The following RNF6 variants were observed in gnomAD, a reference collection of about 807,000 sequenced individuals.
The protein encoded by RNF6 is E3 ubiquitin-protein ligase RNF6.
In RNF6, 21 loss-of-function variants were observed where a neutral mutation model predicts 50.1. That is an observed-to-expected ratio of 0.42 (90% CI 0.30 to 0.60). The LOEUF is 0.60. Among genes scored for constraint, RNF6 ranks in the 20% least tolerant of loss-of-function variants. The pLI is 0.20. For missense variants in RNF6, 698 were observed against 838.2 expected, an observed-to-expected ratio of 0.83 and a Z score of 2.07; for synonymous variants, 255 against 291.8, an observed-to-expected ratio of 0.87 and a Z score of 1.29.
intron 5 of RNF6, among the ~76,000 whole-genome samples, chr13:26,191,635 C>G (rs780447615): frequency 6.6e-6 from 1 of 152,158 alleles, no homozygotes; most frequent in Non-Finnish European, 1.5e-5. Context: ...TCTCCCGCTG[C>G]CTTGTGAAGA....
chr13:26,137,503 C>T (rs1870710143), intron 5 of RNF6, among the ~76,000 whole-genome samples: 1 of 151,948 alleles, frequency 6.6e-6, no homozygotes, highest in Non-Finnish European at 1.5e-5. Context: ...TAGAAATTGT[C>T]TCAAAGTCTA....
intron 5 of RNF6, among the ~76,000 whole-genome samples, chr13:26,194,018 A>G (rs1868563043): frequency 6.6e-6 from 1 of 152,204 alleles, no homozygotes; most frequent in Non-Finnish European, 1.5e-5. Context: ...AAGATATAAA[A>G]TAGTTACCTA....
intron 5 of RNF6, among the ~76,000 whole-genome samples, chr13:26,163,966 A>T (rs1872330045): frequency 6.6e-6 from 1 of 152,220 alleles, no homozygotes. Context: ...CAGGTTAGGA[A>T]AAGTAGTATG....
At chr13:26,147,861 G>GAGTT (rs1158242146) in intron 5 of RNF6, among the ~76,000 whole-genome samples, 10 of 152,188 alleles carry the variant, frequency 6.6e-5, no homozygotes, top group Admixed American at 2.6e-4. Flanking sequence ...TCAAATCCCT[G>GAGTT]AGTTATTTCC....
Position 26,214,318 on chromosome 13 carries a change from T to A in RNF6, c.1564A>T (p.Asn522Tyr). 1 of 1,614,176 alleles carries A rather than the reference T, an allele frequency of 6.2e-7. No individual in the cohort carries two copies. Among genetic ancestry groups the A allele is most frequent in the Non-Finnish European group, 8.5e-7 (1 of 1,180,026 alleles). Residue 522 changes from asparagine to tyrosine, a missense_variant, in exon 5 of 5, where the codon AAC becomes TAC. By Grantham distance (143) the Asn-to-Tyr change is moderately radical. Coordinates refer to ENST00000381588, the MANE Select transcript of RNF6 (RefSeq NM_005977.4). Reference sequence around the variant, plus strand: ...CTCCTGTTGTTATCTGTACCTAAGTTACTCAGTTCTGAGTGCATGTCTGGT... The same window carrying A: ...CTCCTGTTGTTATCTGTACCTAAGTAACTCAGTTCTGAGTGCATGTCTGGT... ...HLPDMHSELS[N>Y]LGTDNNRSQH...
intron 5 of RNF6, among the ~76,000 whole-genome samples, chr13:26,146,135 C>T (rs928545213): frequency 2.6e-5 from 4 of 152,194 alleles, no homozygotes; most frequent in Non-Finnish European, 5.9e-5. Context: ...CCCCAGTGCA[C>T]AGTTATTCTG....
intron 5 of RNF6, chr13:26,150,782 A>G (rs1016012493): frequency 2.6e-5 from 4 of 152,204 alleles, no homozygotes; most frequent in African/African-American, 9.7e-5. Flanking sequence ...TTTTGAGAAC[A>G]TTTCATTATT....
chr13:26,158,810 G>A (rs1872068214), intron 5 of RNF6, among the ~76,000 whole-genome samples: 5 of 152,040 alleles, frequency 3.3e-5, no homozygotes. Context: ...TTACTTTTGT[G>A]TTTGCCTTTT....
chr13:26,133,200 T>A (rs1289420302), intron 5 of RNF6, among the ~76,000 whole-genome samples: 1 of 152,198 alleles, frequency 6.6e-6, no homozygotes, highest in African/African-American at 2.4e-5. Flanking sequence ...TTTATGAAAA[T>A]TTTTCTGTTA....
intron 5 of RNF6, chr13:26,150,977 T>C (rs1871559758): frequency 1.3e-5 from 2 of 152,180 alleles, no homozygotes; most frequent in Admixed American, 1.3e-4. Context: ...AAAATCACAG[T>C]ATTATTACAC....
At chr13:26,174,206 T>C (rs2137641105) in intron 5 of RNF6, among the ~76,000 whole-genome samples, 1 of 152,230 alleles carries the variant, frequency 6.6e-6, no homozygotes, top group Non-Finnish European at 1.5e-5. Context: ...GGCCACTGAT[T>C]TCATCCTCTC....
Position 26,169,605 on chromosome 13 carries a change from T to C in RNF6, n.769-37154A>G, listed in dbSNP as rs1221672790. ...ATATATAAATCTTCTTAAGAGTCTC[T>C]TGCCGGCCTTAAGACCCAGGAAATG... On this transcript the variant is annotated intron_variant and non_coding_transcript_variant, in intron 5 of 5. Coordinates refer to the RNF6 transcript ENST00000468480. 2.0e-5 allele frequency among the ~76,000 whole-genome samples: 3 copies of C among 152,222 alleles called. No individual in the cohort carries two copies. In the South Asian group the frequency reaches 6.2e-4, roughly 32 times the overall value.
chr13:26,205,164 G>T (rs1364111003), intron 5 of RNF6, among the ~76,000 whole-genome samples: 1 of 152,042 alleles, frequency 6.6e-6, no homozygotes, highest in African/African-American at 2.4e-5. Flanking sequence ...TCAGTTATTA[G>T]CCTTATAACA....
chr13:26,142,372 A>G (rs1311459487), intron 5 of RNF6: 1 of 152,144 alleles, frequency 6.6e-6, no homozygotes, highest in Non-Finnish European at 1.5e-5. Flanking sequence ...CAGCAATTCC[A>G]TTACTACCCC....
At chr13:26,198,349 T>A in intron 5 of RNF6, among the ~76,000 whole-genome samples, 1 of 151,922 alleles carries the variant, frequency 6.6e-6, no homozygotes, top group East Asian at 1.9e-4. Context: ...ATCAACTGAT[T>A]GGATGAGGCC....
chr13:26,215,031 C>G lies in RNF6; in HGVS notation c.851G>C (p.Gly284Ala), dbSNP rs750090930. The change falls in exon 5 of 5, where the codon GGG becomes GCG. Residue 284 changes from glycine to alanine, a missense_variant. Transcript: ENST00000381588. The stretch of plus-strand genomic sequence containing the variant: ...CCTCACTGTAACATTACTTCTAGCC[C>G]CATTTTCCCAAACATGTGCTGCTCC... ...RFGAAHVWEN[G>A]ARSNVTVRNT... is the part of the protein sequence containing the mutation. 2.5e-6 allele frequency: 4 copies of G among 1,614,214 alleles called. No homozygotes were observed. In the South Asian group the frequency reaches 4.4e-5, roughly 18 times the overall value.
chr13:26,153,516 A>G (rs893833223), intron 5 of RNF6, among the ~76,000 whole-genome samples: 1 of 152,112 alleles, frequency 6.6e-6, no homozygotes, highest in African/African-American at 2.4e-5. Flanking sequence ...CAGTCAAGAT[A>G]TTTTAAAAGA....
chr13:26,156,260 A>T (rs1482315960), intron 5 of RNF6, among the ~76,000 whole-genome samples: 3 of 152,238 alleles, frequency 2.0e-5, no homozygotes, highest in Admixed American at 2.0e-4. Flanking sequence ...ACTAAAAAAT[A>T]TTAGGGAGAA....
At chr13:26,168,308 A>G (rs185377563) in intron 5 of RNF6, among the ~76,000 whole-genome samples, 36 of 152,330 alleles carry the variant, frequency 2.4e-4, no homozygotes, top group Admixed American at 5.2e-4. Flanking sequence ...AACAGGAATA[A>G]GTGAGAGCAG....
Sources: allele counts gnomAD v4.1 joint callset (sites outside exome capture counted in the v4.1 genomes callset), GRCh38; gene constraint gnomAD v4.1.1; transcripts MANE v1.5; gene names NCBI Gene and HGNC (gene_info 2026-07-23, HGNC 2026-07-21).